LINGO2: variants seen among roughly 807,000 people sequenced by gnomAD.
LINGO2 encodes the protein leucine-rich repeat and immunoglobulin-like domain-containing nogo receptor-interacting protein 2.
In LINGO2, 14 loss-of-function variants were observed where a neutral mutation model predicts 30.6. That is an observed-to-expected ratio of 0.46 (90% CI 0.30 to 0.72). The LOEUF (loss-of-function observed/expected upper bound fraction) is 0.72, where lower values mean the gene tolerates loss of function less well. Ranked by LOEUF, LINGO2 falls within the 30% of genes least tolerant of loss-of-function variation. The pLI, the probability that LINGO2 is intolerant of heterozygous loss-of-function variation, is 0.07. For synonymous variants in LINGO2, 317 were observed against 288.5 expected (o/e 1.10, Z -1.00); for missense variants, 729 against 751.7 (o/e 0.97, Z 0.35).
chr9:27,985,942 C>T (rs1243469039), intron 5 of LINGO2, among the ~76,000 whole-genome samples: 1 of 151,810 alleles, frequency 6.6e-6, no homozygotes, highest in Non-Finnish European at 1.5e-5. Flanking sequence ...AATTTCCTCT[C>T]CAACCCAAGA....
chr9:28,132,215 A>G (rs1475729059), intron 4 of LINGO2, among the ~76,000 whole-genome samples: 1 of 152,138 alleles, frequency 6.6e-6, no homozygotes, highest in East Asian at 1.9e-4. Flanking sequence ...GTTTCTACTG[A>G]CCCTGACTTT....
chr9:28,372,151 A>G (rs575284807), intron 3 of LINGO2, among the ~76,000 whole-genome samples: 7 of 152,198 alleles, frequency 4.6e-5, no homozygotes, highest in South Asian at 2.1e-4. Flanking sequence ...CATACTTCCA[A>G]CTTCACAATT....
the LINGO2 span, among the ~76,000 whole-genome samples, chr9:29,024,634 C>T: frequency 0.022 from 3,316 of 152,156 alleles, 115 homozygotes; most frequent in African/African-American, 0.074. Flanking sequence ...CCTATTTTAA[C>T]TATCTGGTCC....
the LINGO2 span, among the ~76,000 whole-genome samples, chr9:28,691,181 A>G: frequency 6.6e-6 from 1 of 152,230 alleles, no homozygotes; most frequent in Admixed American, 6.5e-5. Context: ...ATATCTCAAT[A>G]GTTCTCAAAA....
At chr9:28,651,491 C>A (rs1255772465) in intron 1 of LINGO2, among the ~76,000 whole-genome samples, 2 of 152,070 alleles carry the variant, frequency 1.3e-5, no homozygotes, top group Non-Finnish European at 2.9e-5. Context: ...AGAACAGAAA[C>A]CAGTAAATGT....
chr9:29,033,274 A>G, the LINGO2 span, among the ~76,000 whole-genome samples: 4 of 151,884 alleles, frequency 2.6e-5, no homozygotes, highest in Admixed American at 2.6e-4. Flanking sequence ...CTGAAGTCTC[A>G]CCTATTGTTA....
intron 2 of LINGO2, among the ~76,000 whole-genome samples, chr9:28,454,251 A>G (rs1337711774): frequency 6.6e-6 from 1 of 151,994 alleles, no homozygotes; most frequent in Non-Finnish European, 1.5e-5. Flanking sequence ...TCACTTTTCC[A>G]TTGCTTATAT....
the LINGO2 span, among the ~76,000 whole-genome samples, chr9:29,129,919 A>G: frequency 6.6e-6 from 1 of 152,116 alleles, no homozygotes; most frequent in Admixed American, 6.6e-5. Context: ...AGAAAGTCCA[A>G]GCATGTTGGA....
the LINGO2 span, among the ~76,000 whole-genome samples, chr9:29,118,270 G>A: frequency 2.0e-5 from 3 of 152,136 alleles, no homozygotes; most frequent in Non-Finnish European, 2.9e-5. Context: ...ATGGCTGTCA[G>A]ATCCCAACTA....
chr9:28,125,351 C>G (rs1375014324), intron 4 of LINGO2, among the ~76,000 whole-genome samples: 1 of 152,142 alleles, frequency 6.6e-6, no homozygotes, highest in Non-Finnish European at 1.5e-5. Context: ...TTTATTTTAG[C>G]AGTCTATATT....
At chr9:28,243,171 GA>G (rs1437960860) in intron 4 of LINGO2, among the ~76,000 whole-genome samples, 3 of 151,978 alleles carry the variant, frequency 2.0e-5, no homozygotes, top group Non-Finnish European at 4.4e-5. Context: ...AAAAGACACG[GA>G]CTAGGCTGGG....
At chr9:29,196,267 T>C in the LINGO2 span, among the ~76,000 whole-genome samples, 1 of 151,998 alleles carries the variant, frequency 6.6e-6, no homozygotes, top group African/African-American at 2.4e-5. Context: ...TTTCCACTGT[T>C]CCCCCTTGTT....
In LINGO2 at chr9:28,028,865, A is replaced by G. The variant is rs145842316; in HGVS notation, c.-86-16460T>C. ...AAAGCATATATATAAGTATACAGAC[A>G]CACACAAGCACACATTTGTAATCAT... On this transcript the variant is annotated intron_variant, in intron 4 of 5. Transcript: ENST00000379992. Among the ~76,000 whole-genome samples the G allele has an allele frequency of 6.8e-3, 1,028 of 152,258 alleles. 9 individuals carry two copies. Among genetic ancestry groups the G allele is most frequent in the African/African-American group, 0.023 (973 of 41,556 alleles).
At chr9:28,139,303 A>C (rs1487595435) in intron 4 of LINGO2, among the ~76,000 whole-genome samples, 1 of 152,220 alleles carries the variant, frequency 6.6e-6, no homozygotes, top group Non-Finnish European at 1.5e-5. Flanking sequence ...TTTAAAACAC[A>C]GTTTACATAT....
the LINGO2 span, among the ~76,000 whole-genome samples, chr9:28,811,849 T>G: frequency 6.6e-6 from 1 of 152,166 alleles, no homozygotes; most frequent in South Asian, 2.1e-4. Flanking sequence ...CATTCATTCA[T>G]TCTTATCTGT....
At chr9:28,796,004 AC>A in the LINGO2 span, among the ~76,000 whole-genome samples, 1 of 151,408 alleles carries the variant, frequency 6.6e-6, no homozygotes, top group South Asian at 2.1e-4. Context: ...ACACACACAC[AC>A]ACACACACAC....
At chr9:28,767,409 A>T in the LINGO2 span, among the ~76,000 whole-genome samples, 1 of 152,158 alleles carries the variant, frequency 6.6e-6, no homozygotes, top group Non-Finnish European at 1.5e-5. Flanking sequence ...ATTTATAGCA[A>T]TTACTTCCTT....
At chr9:28,230,120 C>G (rs1323895492) in intron 4 of LINGO2, among the ~76,000 whole-genome samples, 1 of 151,784 alleles carries the variant, frequency 6.6e-6, no homozygotes, top group Non-Finnish European at 1.5e-5. Flanking sequence ...GTTCTAAAAA[C>G]TTTCTTTGTA....
At chr9:28,946,201 G>T in the LINGO2 span, among the ~76,000 whole-genome samples, 1 of 152,126 alleles carries the variant, frequency 6.6e-6, no homozygotes, top group East Asian at 1.9e-4. Flanking sequence ...GCTAAAAGAT[G>T]TTTAGTAACT....
Sources: allele counts gnomAD v4.1 joint callset (sites outside exome capture counted in the v4.1 genomes callset), GRCh38; gene constraint gnomAD v4.1.1; transcripts MANE v1.5; gene names NCBI Gene and HGNC (gene_info 2026-07-23, HGNC 2026-07-21).